PIBF1: variants seen among roughly 807,000 people sequenced by gnomAD.
PIBF1 encodes progesterone immunomodulatory binding factor 1, also known as progesterone-induced-blocking factor 1.
A neutral mutation model predicts 112.5 loss-of-function variants in PIBF1; 90 were observed. That is an observed-to-expected ratio of 0.80 (90% CI 0.67 to 0.95). The LOEUF is 0.95. PIBF1 is among the 40% of genes least tolerant of loss of function. The probability of loss-of-function intolerance (pLI) is 0.00; values close to 1 mark genes in which losing one functional copy is unlikely to be tolerated. For synonymous variants in PIBF1, 301 were observed against 288.6 expected, an observed-to-expected ratio of 1.04 and a Z score of -0.44; for missense variants, 915 against 852.3, an observed-to-expected ratio of 1.07 and a Z score of -0.92.
At chr13:72,971,947 T>A (rs917505195) in intron 15 of PIBF1, among the ~76,000 whole-genome samples, 3 of 72,964 alleles carry the variant, frequency 4.1e-5, no homozygotes, top group African/African-American at 2.0e-4. Context: ...CTACTGTTTC[T>A]TGAATTAAAA....
intron 13 of PIBF1, among the ~76,000 whole-genome samples, chr13:72,919,352 T>C (rs1171908222): frequency 6.6e-6 from 1 of 152,218 alleles, no homozygotes; most frequent in Non-Finnish European, 1.5e-5. Context: ...GCGAGCTGAA[T>C]AGAAAGTATA....
chr13:72,840,519 A>G (rs917650326), intron 9 of PIBF1, among the ~76,000 whole-genome samples: 3 of 149,888 alleles, frequency 2.0e-5, no homozygotes, highest in Non-Finnish European at 3.0e-5. Context: ...CTCTCCCCCA[A>G]TAAACTTTTT....
chr13:72,859,074 A>G (rs995449192), intron 10 of PIBF1, among the ~76,000 whole-genome samples: 2 of 152,138 alleles, frequency 1.3e-5, no homozygotes, highest in African/African-American at 4.8e-5. Flanking sequence ...GTCAGACGTG[A>G]TGTTTCTAAC....
chr13:72,808,101 T>A (rs1438434469), intron 5 of PIBF1, among the ~76,000 whole-genome samples: 1 of 152,216 alleles, frequency 6.6e-6, no homozygotes, highest in Non-Finnish European at 1.5e-5. Context: ...TCAGAGACTT[T>A]ACAAACAAAG....
chr13:72,812,512 G>A (rs540826423), intron 5 of PIBF1, among the ~76,000 whole-genome samples: 9 of 152,152 alleles, frequency 5.9e-5, no homozygotes, highest in African/African-American at 9.6e-5. Context: ...CAGGAGGATT[G>A]CTTGAGCTCA....
chr13:72,993,607 A>G (rs892105151), intron 16 of PIBF1, among the ~76,000 whole-genome samples: 7 of 151,420 alleles, frequency 4.6e-5, no homozygotes, highest in Non-Finnish European at 8.8e-5. Context: ...TTAGGTGGGC[A>G]TGGTGACGGG....
rs757023168 is a variant in PIBF1 at position 72,795,564 on chromosome 13, A to C, written c.552+7A>C. ...TATTCCTGAATATGTATCTGTAAGT[A>C]TCTTATATCTATTTTTAACTATGAC... On this transcript the variant is annotated splice_region_variant and intron_variant, in intron 4 of 17. Transcript: ENST00000326291. 6.9e-7 allele frequency: 1 copy of C among 1,439,694 alleles called. No homozygotes were observed. Among genetic ancestry groups the C allele is most frequent in the South Asian group, 1.2e-5 (1 of 81,792 alleles). 89.2% of individuals were successfully genotyped at this position (1,439,694 alleles called of 1,614,324 possible).
chr13:72,878,500 G>A (rs1448136182), intron 10 of PIBF1, among the ~76,000 whole-genome samples: 2 of 152,110 alleles, frequency 1.3e-5, no homozygotes, highest in South Asian at 2.1e-4. Flanking sequence ...TGAGAGTAGA[G>A]AGCATATGAT....
intron 10 of PIBF1, among the ~76,000 whole-genome samples, chr13:72,891,463 G>A (rs2040052918): frequency 6.6e-6 from 1 of 150,804 alleles, no homozygotes; most frequent in Non-Finnish European, 1.5e-5. Context: ...ACATTTGTAT[G>A]TCATAAAATG....
intron 16 of PIBF1, 150 bp downstream of exon 16, chr13:72,973,825 T>G: frequency 1.8e-6 from 1 of 552,552 alleles, no homozygotes; most frequent in Non-Finnish European, 3.2e-6. Context: ...TTTATTCAAC[T>G]TTTGATATAC....
intron 11 of PIBF1, among the ~76,000 whole-genome samples, chr13:72,903,214 T>C (rs553233971): frequency 6.6e-6 from 1 of 152,242 alleles, no homozygotes; most frequent in Admixed American, 6.5e-5. Context: ...TATCCAGATA[T>C]TAAAGTTTAT....
chr13:72,921,105 T>C (rs1466620009), intron 13 of PIBF1, among the ~76,000 whole-genome samples: 1 of 152,160 alleles, frequency 6.6e-6, no homozygotes, highest in Admixed American at 6.6e-5. Flanking sequence ...TTATTTTTAT[T>C]TTTATTTTTT....
At chr13:72,855,093 A>G (rs1566363082) in intron 10 of PIBF1, among the ~76,000 whole-genome samples, 1 of 152,232 alleles carries the variant, frequency 6.6e-6, no homozygotes, top group African/African-American at 2.4e-5. Context: ...CTAAAATGGT[A>G]AAATTTCTGC....
chr13:72,822,962 G>A (rs1282261766), intron 6 of PIBF1, among the ~76,000 whole-genome samples: 1 of 152,210 alleles, frequency 6.6e-6, no homozygotes, highest in African/African-American at 2.4e-5. Flanking sequence ...GGGCATAGTG[G>A]CACATGCCTT....
intron 11 of PIBF1, among the ~76,000 whole-genome samples, chr13:72,906,608 A>T (rs890605741): frequency 2.0e-5 from 3 of 152,134 alleles, no homozygotes; most frequent in Non-Finnish European, 4.4e-5. Flanking sequence ...AATATGGGGT[A>T]CTAGAGGTAT....
chr13:72,834,348 G>A lies in PIBF1; in HGVS notation c.1098-895G>A, dbSNP rs1182452305. 3.3e-5 allele frequency among the ~76,000 whole-genome samples: 5 copies of A among 152,206 alleles called. No individual in the cohort carries two copies. The East Asian group carries it at 9.7e-4, about 29-fold the overall frequency. ...TCGACATACCAAAACAAACATGCTGGGTGCAGTGGCTCACACCTGTAATCC... is the reference window on the plus strand; with the variant it reads ...TCGACATACCAAAACAAACATGCTGAGTGCAGTGGCTCACACCTGTAATCC... On this transcript the variant is annotated intron_variant, in intron 8 of 17. Transcript: ENST00000326291.
At chr13:72,928,887 C>T (rs939989055) in intron 13 of PIBF1, among the ~76,000 whole-genome samples, 18 of 152,180 alleles carry the variant, frequency 1.2e-4, no homozygotes, top group African/African-American at 4.3e-4. Flanking sequence ...AACTTGATGT[C>T]TTCAAGTCAT....
chr13:72,788,577 G>T (rs1218952383), intron 2 of PIBF1, among the ~76,000 whole-genome samples: 1 of 152,156 alleles, frequency 6.6e-6, no homozygotes, highest in African/African-American at 2.4e-5. Context: ...ACATGTAAAA[G>T]GTGGTAATAA....
intron 10 of PIBF1, among the ~76,000 whole-genome samples, chr13:72,882,000 G>A (rs2039659165): frequency 6.6e-6 from 1 of 151,872 alleles, no homozygotes; most frequent in Non-Finnish European, 1.5e-5. Context: ...TACGCAAAAA[G>A]AGCAAAACTG....
Sources: allele counts gnomAD v4.1 joint callset (sites outside exome capture counted in the v4.1 genomes callset), GRCh38; gene constraint gnomAD v4.1.1; transcripts MANE v1.5; gene names NCBI Gene and HGNC (gene_info 2026-07-23, HGNC 2026-07-21).